NUDT17: variants seen among roughly 807,000 people sequenced by gnomAD.
NUDT17 encodes m7GpppN-mRNA hydrolase NUDT17.
A neutral mutation model predicts 38.6 loss-of-function variants in NUDT17; 38 were observed. The observed-to-expected ratio is 0.98, with a 90% CI of 0.76 to 1.29. The LOEUF (loss-of-function observed/expected upper bound fraction) is 1.29, where lower values mean the gene tolerates loss of function less well. NUDT17 is among the 50% of genes most tolerant of loss of function. The pLI, the probability that NUDT17 is intolerant of heterozygous loss-of-function variation, is 0.00. For synonymous variants in NUDT17, 192 were observed against 167.8 expected, an observed-to-expected ratio of 1.14 and a Z score of -1.11; for missense variants, 462 against 415.2, an observed-to-expected ratio of 1.11 and a Z score of -0.98.
chr1:145,846,601 C>A lies in NUDT17; in HGVS notation c.406C>A (p.Leu136Met), dbSNP rs782744928. 1 of 1,614,066 alleles carries A rather than the reference C, an allele frequency of 6.2e-7. No homozygotes were observed. Among genetic ancestry groups the A allele is most frequent in the Non-Finnish European group, 8.5e-7 (1 of 1,179,880 alleles). ...ATGTGTCTTCTCTGACTCCCAGCTG[C>A]TGGACGGAGGGCTTCGAGAACTTTG... ...GGHVELEEEL[L>M]DGGLRELWEE... Residue 136 changes from leucine to methionine, a missense_variant, in exon 4 of 8, where the codon CTG becomes ATG. Leu to Met is a conservative substitution (Grantham distance 15). Transcript: ENST00000334513.
At position 145,846,007 on chromosome 1, in the gene NUDT17, TG is replaced by T; in HGVS notation, c.193-5del. 6.3e-7 allele frequency: 1 copy of T among 1,595,018 alleles called. No homozygotes were observed. Among genetic ancestry groups the T allele is most frequent in the Non-Finnish European group, 8.5e-7 (1 of 1,171,594 alleles). On this transcript the variant is annotated splice_polypyrimidine_tract_variant and splice_region_variant and intron_variant, in intron 1 of 7. Transcript: ENST00000334513. Reference sequence around the variant, plus strand: ...AGCCTTAACCCAGCTGGCTTCCTTCTGCCAGCGACCCCCTTTCTGCCCTTTT... The same window carrying T: ...AGCCTTAACCCAGCTGGCTTCCTTCTCCAGCGACCCCCTTTCTGCCCTTTT...
Position 145,848,489 on chromosome 1 carries a change from TC to T in NUDT17, c.*14del. ...GGGGTCTGGAAAGTGAAGTGTAAAATCCCCTCCCTAGCCCATCTCCATGACA... is the reference window on the plus strand; with the variant it reads ...GGGGTCTGGAAAGTGAAGTGTAAAATCCCTCCCTAGCCCATCTCCATGACA... On this transcript the variant is annotated 3_prime_UTR_variant, in exon 8 of 8. Transcript: ENST00000334513. 1.3e-6 allele frequency: 2 copies of T among 1,580,070 alleles called. No individual in the cohort carries two copies. The highest frequency in any genetic ancestry group is 1.1e-5 in the South Asian group (1 of 90,018).
rs1553732906 is a variant in NUDT17, at chr1:145,847,571, G to A, written c.595-12G>A. ...GAGGCAATGACTGAGGGGTCACCAT[G>A]TCTGACCCCAGGCCCGGATCCAACC... On this transcript the variant is annotated splice_polypyrimidine_tract_variant and intron_variant, in intron 5 of 7. Coordinates refer to ENST00000334513, the MANE Select transcript of NUDT17 (RefSeq NM_001012758.3). 1.9e-6 allele frequency: 3 copies of A among 1,612,286 alleles called. No homozygotes were observed. The highest frequency in any genetic ancestry group is 2.5e-6 in the Non-Finnish European group (3 of 1,179,876).
Position 145,847,266 on chromosome 1 carries a change from G to A in NUDT17, c.512G>A (p.Arg171Lys). Residue 171 changes from arginine (R) to lysine (K), a missense_variant, in exon 5 of 8, where the codon AGG becomes AAG. Coordinates refer to ENST00000334513, the MANE Select transcript of NUDT17 (RefSeq NM_001012758.3). ...TTTTCCTAGTCTGCCTACCCTCCTA[G>A]GCTGAGCTGGGGTTTACCCAAATAC... ...LGLWESAYPP[R>K]LSWGLPKYHH... 1 of 1,606,516 alleles carries A rather than the reference G, an allele frequency of 6.2e-7. No homozygotes were observed. The highest frequency in any genetic ancestry group is 1.1e-5 in the South Asian group (1 of 89,936).
chr1:145,846,402 C>CA lies in NUDT17; in HGVS notation c.377-30dup, dbSNP rs781872335. The stretch of plus-strand genomic sequence containing the variant: ...GGGGCTCCCTGGCCAAGACCACCAC[C>CA]ATTCACCTACTGGCCCCACTGTTGT... On this transcript the variant is annotated intron_variant, in intron 2 of 7. Transcript: ENST00000334513. The CA allele has an allele frequency of 1.9e-6, 3 of 1,613,880 alleles. No homozygotes were observed. The East Asian group carries it at 6.7e-5, about 36-fold the overall frequency.
intron 3 of NUDT17, 61 bp downstream of exon 3, chr1:145,846,519 T>C: frequency 6.2e-7 from 1 of 1,605,844 alleles, no homozygotes; most frequent in Non-Finnish European, 8.5e-7. Context: ...ATCTTGGGTG[T>C]GGGCTGAGGG....
chr1:145,847,148 C>T, intron 4 of NUDT17, 102 bp from the exon 5 acceptor site: 6 of 673,890 alleles, frequency 8.9e-6, no homozygotes, highest in Non-Finnish European at 1.5e-5. Flanking sequence ...GAGCCAAGAT[C>T]ACGCCATTGC....
chr1:145,847,230 T>C lies in NUDT17; in HGVS notation c.496-20T>C, dbSNP rs782517713. 11 of 1,414,350 alleles carry C rather than the reference T, an allele frequency of 7.8e-6. No individual in the cohort carries two copies. Among genetic ancestry groups the C allele is most frequent in the Admixed American group, 2.1e-5 (1 of 47,066 alleles). The allele number at this position is 1,414,350 out of a possible 1,614,324, so 87.6% of individuals were successfully genotyped here. ...AAAAAGTGACGGAAAGTTCTCACTT[T>C]TGCTGTTTTCTTTTCCTAGTCTGCC... On this transcript the variant is annotated intron_variant, in intron 4 of 7. Coordinates refer to ENST00000334513, the MANE Select transcript of NUDT17 (RefSeq NM_001012758.3).
intron 6 of NUDT17, 91 bp downstream of exon 6, chr1:145,847,810 G>T (rs1652780912): frequency 7.3e-7 from 1 of 1,372,050 alleles, no homozygotes; most frequent in Middle Eastern, 1.9e-4. Context: ...ATGGAATTTT[G>T]TGTTGTGGGG....
At position 145,845,671 on chromosome 1, in the gene NUDT17, T is replaced by C; in HGVS notation, c.31T>C (p.Ser11Pro). ...CGAGGTGCGGGTGCAGCTGCTCCTGTCCCGGCGTCCGGAGTCGGTGAGCTT... is the reference window on the plus strand; with the variant it reads ...CGAGGTGCGGGTGCAGCTGCTCCTGCCCCGGCGTCCGGAGTCGGTGAGCTT... MAEVRVQLLL[S>P]RRPESVSFAR... Residue 11 changes from serine (S) to proline (P), a missense_variant, in exon 1 of 8, where the codon TCC (serine) becomes CCC (proline). Coordinates refer to ENST00000334513, the MANE Select transcript of NUDT17 (RefSeq NM_001012758.3). 6.5e-7 allele frequency: 1 copy of C among 1,535,318 alleles called. No homozygotes were observed. Among genetic ancestry groups the C allele is most frequent in the Non-Finnish European group, 8.8e-7 (1 of 1,135,492 alleles).
intron 5 of NUDT17, 112 bp downstream of exon 5, chr1:145,847,460 G>A (rs1408691046): frequency 6.9e-6 from 10 of 1,454,094 alleles, no homozygotes; most frequent in Non-Finnish European, 9.6e-6. Flanking sequence ...AGATAACGAA[G>A]AATATGCAAT....
At chr1:145,847,474 C>T in intron 5 of NUDT17, 109 bp from the exon 6 acceptor site, 1 of 1,492,040 alleles carries the variant, frequency 6.7e-7, no homozygotes, top group African/African-American at 1.4e-5. Flanking sequence ...ATGCAATGCC[C>T]TTTCCCCTTG....
rs782780442 is a variant in NUDT17, at chr1:145,848,192, T to C, written c.812T>C (p.Met271Thr). The change falls in exon 7 of 8, where the codon ATG (methionine) becomes ACG (threonine). Residue 271 changes from methionine to threonine, a missense_variant. Transcript: ENST00000334513. ...MSTLLRMIPT[M>T]AEDKERVSTG... is the part of the protein sequence containing the mutation. ...ACCCTCCTGCGGATGATCCCAACCA[T>C]GGCAGAGGACAAAGAGAGAGTCAGC... 40 of 1,614,080 alleles carry C rather than the reference T, an allele frequency of 2.5e-5. No homozygotes were observed. The highest frequency in any genetic ancestry group is 4.0e-5 in the African/African-American group (3 of 74,930).
chr1:145,847,631 A>C lies in NUDT17; in HGVS notation c.643A>C (p.Thr215Pro). ...PNEVSALMWLTPDVAAAVAAA... is the reference protein window; with the variant it reads ...PNEVSALMWLPPDVAAAVAAA... ...TGAGGTGAGCGCCCTTATGTGGCTG[A>C]CACCAGATGTAGCTGCTGCAGTGGC... is the stretch of plus-strand genomic sequence containing the variant. Residue 215 changes from threonine (T) to proline (P), a missense_variant, in exon 6 of 8, where the codon ACA (threonine) becomes CCA (proline). Physicochemically the swap from Thr to Pro is conservative, Grantham distance 38. Coordinates refer to ENST00000334513, the MANE Select transcript of NUDT17 (RefSeq NM_001012758.3). 5 of 1,614,022 alleles carry C rather than the reference A, an allele frequency of 3.1e-6. No homozygotes were observed. Among genetic ancestry groups the C allele is most frequent in the Non-Finnish European group, 3.4e-6 (4 of 1,180,004 alleles).
chr1:145,846,158 G>C lies in NUDT17; in HGVS notation c.338G>C (p.Arg113Pro), dbSNP rs782734985. 3.8e-6 allele frequency: 6 copies of C among 1,595,748 alleles called. No homozygotes were observed. Among genetic ancestry groups the C allele is most frequent in the Non-Finnish European group, 5.1e-6 (6 of 1,171,452 alleles). Residue 113 changes from arginine to proline, a missense_variant, in exon 2 of 8, where the codon CGC becomes CCC. Coordinates refer to ENST00000334513, the MANE Select transcript of NUDT17 (RefSeq NM_001012758.3). ...ACTGTCTTGCTAACCCGAAGGGCAC[G>C]CACCCTGAGCGTTTCCCCCAACCTC... ...DKTVLLTRRA[R>P]TLSVSPNLWV...
At position 145,846,191 on chromosome 1, in the gene NUDT17, C is replaced by A; in HGVS notation, c.371C>A (p.Pro124His). 6.3e-7 allele frequency: 1 copy of A among 1,584,576 alleles called. No homozygotes were observed. The highest frequency in any genetic ancestry group is 8.6e-7 in the Non-Finnish European group (1 of 1,165,260). Residue 124 changes from proline (P) to histidine (H), a missense_variant, in exon 2 of 8, where the codon CCC becomes CAC. Coordinates refer to ENST00000334513, the MANE Select transcript of NUDT17 (RefSeq NM_001012758.3). ...TLSVSPNLWV[P>H]PGGHVELEEE... ...AGCGTTTCCCCCAACCTCTGGGTAC[C>A]CCCGGGTGAGTATTCTGGGGACAAG...
intron 5 of NUDT17, 32 bp downstream of exon 5, chr1:145,847,380 C>T (rs1553732832): frequency 6.5e-7 from 1 of 1,531,546 alleles, no homozygotes; most frequent in African/African-American, 1.4e-5. Flanking sequence ...GGAAACAGGG[C>T]TCAGGGGAGC....
chr1:145,846,197 G>C lies in NUDT17; in HGVS notation c.376+1G>C, dbSNP rs1038264235. 1 of 1,581,644 alleles carries C rather than the reference G, an allele frequency of 6.3e-7. No individual in the cohort carries two copies. Among genetic ancestry groups the C allele is most frequent in the Non-Finnish European group, 8.6e-7 (1 of 1,163,694 alleles). ...TCCCCCAACCTCTGGGTACCCCCGG[G>C]TGAGTATTCTGGGGACAAGGCCCCA... On this transcript the variant is annotated splice_donor_variant, in intron 2 of 7. Transcript: ENST00000334513. LOFTEE classifies it high-confidence loss of function.
chr1:145,847,219 A>G (rs781938834), intron 4 of NUDT17, 31 bp from the exon 5 acceptor site: 4 of 1,284,820 alleles, frequency 3.1e-6, no homozygotes, highest in Non-Finnish European at 4.4e-6. Context: ...AGTGACGGAA[A>G]GTTCTCACTT....
Sources: allele counts gnomAD v4.1 joint callset, GRCh38; gene constraint gnomAD v4.1.1; transcripts MANE v1.5; gene names NCBI Gene and HGNC (gene_info 2026-07-23, HGNC 2026-07-21).